The following SCAPER variants were observed in gnomAD, a reference collection of about 807,000 sequenced individuals.
SCAPER encodes S phase cyclin A-associated protein in the endoplasmic reticulum.
In SCAPER, 98 loss-of-function variants were observed where a neutral mutation model predicts 182.2. The observed-to-expected ratio is 0.54, with a 90% CI of 0.46 to 0.64. The LOEUF is 0.64. SCAPER is among the 30% of genes least tolerant of loss of function. The pLI is 0.00. For missense variants in SCAPER, 1,432 were observed against 1,690.0 expected (o/e 0.85, Z 2.68); for synonymous variants, 605 against 564.6 (o/e 1.07, Z -1.01).
At chr15:76,666,942 G>A (rs1229132328) in intron 20 of SCAPER, among the ~76,000 whole-genome samples, 4 of 151,966 alleles carry the variant, frequency 2.6e-5, no homozygotes, top group Admixed American at 6.6e-5. Flanking sequence ...TCCTTGTCTC[G>A]CATTTTTATG....
At chr15:76,665,866 T>A in intron 20 of SCAPER, 77 bp from the exon 21 acceptor site, 1 of 1,231,794 alleles carries the variant, frequency 8.1e-7, no homozygotes, top group South Asian at 1.7e-5. Context: ...TAGACTACAG[T>A]GAGTTTAAGA....
chr15:76,404,642 C>T lies in SCAPER; in HGVS notation c.3349G>A (p.Ala1117Thr), dbSNP rs750758658. ...GGGCCTTGCACCGAGAGGAAGCAGGCACACAGTTTGTCAATCAGACCCATG... is the reference window on the plus strand; with the variant it reads ...GGGCCTTGCACCGAGAGGAAGCAGGTACACAGTTTGTCAATCAGACCCATG... ...VNMGLIDKLCACFLSVQGPVD... is the reference protein window; with the variant it reads ...VNMGLIDKLCTCFLSVQGPVD... The change falls in exon 27 of 32, where the codon GCC (alanine) becomes ACC (threonine). Residue 1117 changes from alanine (A) to threonine (T), a missense_variant. Ala to Thr is a moderately conservative substitution (Grantham distance 58). This residue lies in a region of SCAPER where 718 missense variants were observed against 799.7 expected (regional missense o/e 0.90). Coordinates refer to ENST00000563290, the MANE Select transcript of SCAPER (RefSeq NM_020843.4). The T allele has an allele frequency of 1.9e-6, 3 of 1,613,006 alleles. No individual in the cohort carries two copies. Among genetic ancestry groups the T allele is most frequent in the Admixed American group, 1.7e-5 (1 of 59,926 alleles).
intron 23 of SCAPER, among the ~76,000 whole-genome samples, chr15:76,542,728 A>T (rs1417984051): frequency 6.6e-6 from 1 of 152,056 alleles, no homozygotes; most frequent in Non-Finnish European, 1.5e-5. Flanking sequence ...TCTTTATATA[A>T]GTCTTGGGGT....
intron 23 of SCAPER, among the ~76,000 whole-genome samples, chr15:76,544,963 T>C (rs1367354445): frequency 2.6e-5 from 4 of 152,124 alleles, no homozygotes; most frequent in Non-Finnish European, 4.4e-5. Flanking sequence ...TTATCAGTCT[T>C]TCTGAACTGA....
chr15:76,573,939 T>C (rs142203326), intron 23 of SCAPER, among the ~76,000 whole-genome samples: 164 of 151,910 alleles, frequency 1.1e-3, no homozygotes, highest in Non-Finnish European at 1.1e-3. Flanking sequence ...GAGGAAACCA[T>C]GACCTAAAGA....
chr15:76,774,830 T>C, intron 9 of SCAPER, 25 bp downstream of exon 9: 1 of 1,589,318 alleles, frequency 6.3e-7, no homozygotes, highest in Non-Finnish European at 8.6e-7. Context: ...AAAAAGACAG[T>C]AAAAGGATTT....
chr15:76,800,413 A>G, intron 6 of SCAPER, 49 bp from the exon 7 acceptor site: 1 of 1,173,942 alleles, frequency 8.5e-7, no homozygotes, highest in Non-Finnish European at 1.3e-6. Context: ...GAAAAGGGAG[A>G]AACAAATAAT....
chr15:76,887,754 C>T (rs1441024429), intron 1 of SCAPER, among the ~76,000 whole-genome samples: 1 of 152,244 alleles, frequency 6.6e-6, no homozygotes, highest in East Asian at 1.9e-4. Flanking sequence ...CAGCAGACAA[C>T]TTGTGCAGAC....
At chr15:76,627,235 A>C (rs2052665526) in intron 21 of SCAPER, among the ~76,000 whole-genome samples, 1 of 86,578 alleles carries the variant, frequency 1.2e-5, no homozygotes, top group African/African-American at 3.4e-5. Context: ...TATTAAAAAA[A>C]GAGGCTATTT....
At chr15:76,667,479 T>C (rs183914181) in intron 20 of SCAPER, among the ~76,000 whole-genome samples, 28 of 152,096 alleles carry the variant, frequency 1.8e-4, no homozygotes, top group African/African-American at 6.7e-4. Context: ...CAAATTTTTA[T>C]CTCTAGTTCT....
intron 5 of SCAPER, among the ~76,000 whole-genome samples, chr15:76,817,918 A>G (rs1046091131): frequency 1.3e-5 from 2 of 152,232 alleles, no homozygotes; most frequent in Admixed American, 6.5e-5. Flanking sequence ...TATAAATTCA[A>G]TGCAATCTCA....
chr15:76,611,483 G>A (rs1455777451), intron 22 of SCAPER, among the ~76,000 whole-genome samples: 2 of 152,130 alleles, frequency 1.3e-5, no homozygotes, highest in Admixed American at 6.6e-5. Context: ...ATTCACAGCT[G>A]AAGTCTAACA....
chr15:76,646,192 C>G (rs1363836608), intron 21 of SCAPER, among the ~76,000 whole-genome samples: 4 of 152,158 alleles, frequency 2.6e-5, no homozygotes, highest in African/African-American at 7.2e-5. Flanking sequence ...ACAGTTAGCC[C>G]TCCATATCTG....
At chr15:76,592,046 T>C (rs1229907911) in intron 22 of SCAPER, among the ~76,000 whole-genome samples, 1 of 152,012 alleles carries the variant, frequency 6.6e-6, no homozygotes, top group Non-Finnish European at 1.5e-5. Context: ...GGCAACAGAG[T>C]GAGATCATGT....
At chr15:76,525,724 G>A (rs2043148941) in intron 23 of SCAPER, among the ~76,000 whole-genome samples, 1 of 152,192 alleles carries the variant, frequency 6.6e-6, no homozygotes. Context: ...ATTCAATGGT[G>A]TATATATACC....
chr15:76,856,726 G>C (rs2071413202), intron 4 of SCAPER, among the ~76,000 whole-genome samples: 1 of 151,914 alleles, frequency 6.6e-6, no homozygotes, highest in Non-Finnish European at 1.5e-5. Context: ...AAGTTAGCCA[G>C]GCACAGTGGT....
intron 26 of SCAPER, among the ~76,000 whole-genome samples, chr15:76,405,281 T>A (rs1002949856): frequency 2.7e-5 from 4 of 146,454 alleles, no homozygotes; most frequent in African/African-American, 9.9e-5. Context: ...GTGCAGTTAA[T>A]TTTTTTTTTT....
rs796211474 is a variant in SCAPER, at chr15:76,354,641, G to T, written c.3856-501C>A. The T allele has an allele frequency of 8.5e-5, 13 of 152,318 alleles. No individual in the cohort carries two copies. Among genetic ancestry groups the T allele is most frequent in the African/African-American group, 3.1e-4 (13 of 41,540 alleles). 9.4% of individuals were successfully genotyped at this position (152,318 alleles called of 1,614,324 possible). On this transcript the variant is annotated intron_variant, in intron 29 of 31. Transcript: ENST00000563290. This position sits in a 1 kb window ranked among gnomAD's most constrained non-coding sequence, Gnocchi z 4.4. ...TCCAAGAAAGAAAAGGTAATTCTAA[G>T]GAAAATGGGAACAGTTTCAAAAAAA...
intron 25 of SCAPER, among the ~76,000 whole-genome samples, chr15:76,470,483 T>C (rs1252083939): frequency 6.6e-6 from 1 of 152,178 alleles, no homozygotes; most frequent in Non-Finnish European, 1.5e-5. Flanking sequence ...AAGGAAGAGT[T>C]ACTAGAACTG....
Sources: allele counts gnomAD v4.1 joint callset (sites outside exome capture counted in the v4.1 genomes callset), GRCh38; gene constraint gnomAD v4.1.1; regional missense constraint gnomAD v4.1.1; non-coding constraint Gnocchi (gnomAD v3.1); transcripts MANE v1.5; gene names NCBI Gene and HGNC (gene_info 2026-07-23, HGNC 2026-07-21).